Variants in GPC5 observed in about 807,000 individuals in gnomAD.
The protein encoded by GPC5 is glypican-5.
GPC5 carries 47 observed loss-of-function variants against 53.9 expected under a neutral mutation model. That is an observed-to-expected ratio of 0.87 (90% CI 0.69 to 1.11). The LOEUF (loss-of-function observed/expected upper bound fraction) is 1.11, where lower values mean the gene tolerates loss of function less well. Among genes scored for constraint, GPC5 ranks in the 50% most tolerant of loss-of-function variants. The probability of loss-of-function intolerance (pLI) is 0.00; values close to 1 mark genes in which losing one functional copy is unlikely to be tolerated. For missense variants in GPC5, 748 were observed against 713.1 expected (o/e 1.05, Z -0.56); for synonymous variants, 286 against 263.3 (o/e 1.09, Z -0.84).
intron 7 of GPC5, among the ~76,000 whole-genome samples, chr13:92,558,552 C>A (rs1325589739): frequency 6.6e-6 from 1 of 151,954 alleles, no homozygotes; most frequent in African/African-American, 2.4e-5. Flanking sequence ...TTATGTTTGT[C>A]ATATTTGCAC....
chr13:92,844,322 CA>C (rs1878529533), intron 7 of GPC5, among the ~76,000 whole-genome samples: 1 of 151,940 alleles, frequency 6.6e-6, no homozygotes, highest in Non-Finnish European at 1.5e-5. Flanking sequence ...CCCTCATCTA[CA>C]ACATGTTATT....
chr13:92,465,067 C>T (rs1168494188), intron 7 of GPC5, among the ~76,000 whole-genome samples: 15 of 151,690 alleles, frequency 9.9e-5, no homozygotes, highest in Non-Finnish European at 1.8e-4. Flanking sequence ...AGGAGGGAAG[C>T]CAGAATTTGC....
At chr13:92,597,114 T>C (rs1428212063) in intron 7 of GPC5, among the ~76,000 whole-genome samples, 1 of 152,230 alleles carries the variant, frequency 6.6e-6, no homozygotes, top group Non-Finnish European at 1.5e-5. Context: ...GTTAGGATCC[T>C]GCTTACAATG....
chr13:92,065,430 G>GT (rs997910718), intron 6 of GPC5, among the ~76,000 whole-genome samples: 1 of 152,054 alleles, frequency 6.6e-6, no homozygotes, highest in Non-Finnish European at 1.5e-5. Context: ...GAAATAATTG[G>GT]TTTTTTAAAA....
intron 7 of GPC5, among the ~76,000 whole-genome samples, chr13:92,270,945 T>C (rs1163829602): frequency 6.6e-6 from 1 of 152,250 alleles, no homozygotes; most frequent in Non-Finnish European, 1.5e-5. Context: ...TGTTGGCTTA[T>C]GTGTGGTCTT....
chr13:92,663,032 G>A (rs1306052390), intron 7 of GPC5, among the ~76,000 whole-genome samples: 4 of 152,102 alleles, frequency 2.6e-5, no homozygotes, highest in African/African-American at 4.8e-5. Context: ...ATGAACTCAC[G>A]CTAAGTAGAA....
At chr13:92,847,574 C>T (rs918000196) in intron 7 of GPC5, among the ~76,000 whole-genome samples, 5 of 152,054 alleles carry the variant, frequency 3.3e-5, no homozygotes, top group African/African-American at 9.7e-5. Flanking sequence ...TTGCTAGTTC[C>T]TGAGGCATCC....
chr13:92,465,967 G>A (rs1011252746), intron 7 of GPC5, among the ~76,000 whole-genome samples: 5 of 151,834 alleles, frequency 3.3e-5, no homozygotes, highest in African/African-American at 9.7e-5. Flanking sequence ...GGGGAGGGGT[G>A]GGTGATGAAA....
chr13:92,486,634 T>C (rs1185312327), intron 7 of GPC5, among the ~76,000 whole-genome samples: 1 of 152,244 alleles, frequency 6.6e-6, no homozygotes, highest in Non-Finnish European at 1.5e-5. Flanking sequence ...TACTTGATTG[T>C]ATTTCTATGA....
chr13:91,981,569 G>T (rs959525295), intron 6 of GPC5, among the ~76,000 whole-genome samples: 2 of 152,312 alleles, frequency 1.3e-5, no homozygotes, highest in South Asian at 4.1e-4. Flanking sequence ...GATTACAGGC[G>T]TGAGCCACCG....
At position 91,398,855 on chromosome 13, in the gene GPC5, G is replaced by A. The variant is rs1018601571; in HGVS notation, c.-192G>A. On this transcript the variant is annotated 5_prime_UTR_variant, in exon 1 of 8. Coordinates refer to ENST00000377067, the MANE Select transcript of GPC5 (RefSeq NM_004466.6). The stretch of plus-strand genomic sequence containing the variant: ...TCAGCTGGAAAACTCTGGTGTCTCA[G>A]CTTAGGGCCTCCTCCGGGAAGAGCT... 6.6e-6 allele frequency: 4 copies of A among 607,600 alleles called. No homozygotes were observed. Among genetic ancestry groups the A allele is most frequent in the Admixed American group, 6.7e-5 (2 of 29,978 alleles). 37.6% of individuals were successfully genotyped at this position (607,600 alleles called of 1,614,324 possible).
chr13:92,749,164 G>A (rs554864327), intron 7 of GPC5, among the ~76,000 whole-genome samples: 9 of 152,102 alleles, frequency 5.9e-5, no homozygotes, highest in Non-Finnish European at 1.0e-4. Flanking sequence ...GTGTCACCAG[G>A]AAACCAAAAT....
intron 7 of GPC5, among the ~76,000 whole-genome samples, chr13:92,187,646 G>T (rs1282318198): frequency 2.0e-5 from 3 of 152,198 alleles, no homozygotes; most frequent in Non-Finnish European, 4.4e-5. Flanking sequence ...CAACAATCTA[G>T]AAAGAAGCTG....
intron 6 of GPC5, among the ~76,000 whole-genome samples, chr13:91,985,599 G>A (rs576989970): frequency 1.3e-5 from 2 of 152,000 alleles, no homozygotes; most frequent in East Asian, 1.9e-4. Flanking sequence ...AGTTACACAT[G>A]TTTATTCATT....
chr13:92,832,600 T>C (rs185684209), intron 7 of GPC5, among the ~76,000 whole-genome samples: 2 of 152,310 alleles, frequency 1.3e-5, no homozygotes, highest in Non-Finnish European at 2.9e-5. Flanking sequence ...TTAAGAAGTC[T>C]ACACATTTTA....
chr13:92,207,203 C>A (rs1231954688), intron 7 of GPC5, among the ~76,000 whole-genome samples: 1 of 152,150 alleles, frequency 6.6e-6, no homozygotes, highest in Non-Finnish European at 1.5e-5. Context: ...CTTTCCCATT[C>A]ATATAGGTAG....
intron 7 of GPC5, among the ~76,000 whole-genome samples, chr13:92,661,590 TG>T (rs1370702111): frequency 6.6e-6 from 1 of 152,226 alleles, no homozygotes; most frequent in East Asian, 1.9e-4. Context: ...ATGTAAGATT[TG>T]CCCTTTGGTT....
intron 6 of GPC5, among the ~76,000 whole-genome samples, chr13:92,009,335 A>C (rs1039165096): frequency 3.3e-5 from 5 of 150,302 alleles, no homozygotes; most frequent in African/African-American, 1.2e-4. Flanking sequence ...TTACTGGGAG[A>C]TCAGCTTGAT....
At chr13:92,471,231 CTTTATT>C (rs983283066) in intron 7 of GPC5, among the ~76,000 whole-genome samples, 5 of 152,030 alleles carry the variant, frequency 3.3e-5, no homozygotes, top group African/African-American at 1.2e-4. Context: ...GTCTGTATTT[CTTTATT>C]TTTATTTTAT....
Sources: allele counts gnomAD v4.1 joint callset (sites outside exome capture counted in the v4.1 genomes callset), GRCh38; gene constraint gnomAD v4.1.1; transcripts MANE v1.5; gene names NCBI Gene and HGNC (gene_info 2026-07-23, HGNC 2026-07-21).